Variants in NDST4 observed in about 807,000 individuals in gnomAD.
NDST4 encodes the protein N-heparan sulfate sulfotransferase 4.
Under a neutral mutation model 100.8 loss-of-function variants are expected in NDST4, and 63 were observed. That is an observed-to-expected ratio of 0.62 (90% CI 0.51 to 0.77). NDST4 has a LOEUF of 0.77. Ranked by LOEUF, NDST4 falls within the 30% of genes least tolerant of loss-of-function variation. NDST4 has a pLI of 0.00. For synonymous variants in NDST4, 377 were observed against 361.8 expected (o/e 1.04, Z -0.48); for missense variants, 943 against 1,018.4 (o/e 0.93, Z 1.01).
chr4:114,999,425 C>T (rs986918232), intron 2 of NDST4, among the ~76,000 whole-genome samples: 9 of 152,050 alleles, frequency 5.9e-5, no homozygotes, highest in Non-Finnish European at 1.2e-4. Context: ...AATTGAGATG[C>T]TACATAGTAA....
intron 6 of NDST4, among the ~76,000 whole-genome samples, chr4:114,888,845 G>C (rs1474038253): frequency 6.6e-6 from 1 of 152,038 alleles, no homozygotes; most frequent in East Asian, 1.9e-4. Flanking sequence ...CCTACAATAG[G>C]TAGTGGATTT....
At chr4:114,946,021 C>T (rs1039769591) in intron 4 of NDST4, among the ~76,000 whole-genome samples, 3 of 152,054 alleles carry the variant, frequency 2.0e-5, no homozygotes, top group Admixed American at 6.5e-5. Context: ...TTGAACTTTC[C>T]GATCCTAAGT....
chr4:114,869,103 T>C (rs1466642780), intron 7 of NDST4, among the ~76,000 whole-genome samples: 1 of 151,578 alleles, frequency 6.6e-6, no homozygotes. Flanking sequence ...CTTAGAATCA[T>C]CATGTTGCCC....
chr4:115,025,832 C>A (rs111828225), intron 2 of NDST4, among the ~76,000 whole-genome samples: 6 of 152,026 alleles, frequency 3.9e-5, no homozygotes, highest in Non-Finnish European at 7.4e-5. Context: ...CATATCTATG[C>A]GGTACGATTT....
chr4:115,068,249 A>G (rs1416663675), intron 2 of NDST4, among the ~76,000 whole-genome samples: 2 of 152,088 alleles, frequency 1.3e-5, no homozygotes, highest in African/African-American at 2.4e-5. Flanking sequence ...CATAAAATAC[A>G]TAGTAAAATA....
chr4:114,945,673 A>G (rs1374779267), intron 4 of NDST4, among the ~76,000 whole-genome samples: 6 of 152,212 alleles, frequency 3.9e-5, no homozygotes, highest in African/African-American at 1.4e-4. Context: ...CTTCTCCTAA[A>G]TGCACAACTT....
chr4:114,921,038 G>A (rs11937330), intron 6 of NDST4, among the ~76,000 whole-genome samples: 21,210 of 151,888 alleles, frequency 0.14, 1,981 homozygotes, highest in African/African-American at 0.27. Context: ...TTCCTTATTC[G>A]AGCTAAACTT....
intron 6 of NDST4, among the ~76,000 whole-genome samples, chr4:114,920,847 T>C (rs911339544): frequency 1.3e-5 from 2 of 152,180 alleles, no homozygotes; most frequent in African/African-American, 2.4e-5. Context: ...CCACTAGTGA[T>C]AGGTGATGAA....
In NDST4 at chr4:114,845,861, G is replaced by A; in HGVS notation, c.2077C>T (p.Leu693Phe). 6 of 1,614,066 alleles carry A rather than the reference G, an allele frequency of 3.7e-6. No homozygotes were observed. The highest frequency in any genetic ancestry group is 4.2e-6 in the Non-Finnish European group (5 of 1,180,000). Reference sequence around the variant, plus strand: ...TATGCCCTGTCTGAGGGGTCAATGAGGATGGTGATGATCTTGGCTTTGGGG... The same window carrying A: ...TATGCCCTGTCTGAGGGGTCAATGAAGATGGTGATGATCTTGGCTTTGGGG... ...LVPKAKIITI[L>F]IDPSDRAYSW... Residue 693 changes from leucine (L) to phenylalanine (F), a missense_variant, in exon 10 of 14, where the codon CTC becomes TTC. By Grantham distance (22) the Leu-to-Phe change is conservative (BLOSUM62 0). Coordinates refer to ENST00000264363, the MANE Select transcript of NDST4 (RefSeq NM_022569.3).
chr4:115,019,804 A>T (rs1295541949), intron 2 of NDST4, among the ~76,000 whole-genome samples: 1 of 152,108 alleles, frequency 6.6e-6, no homozygotes, highest in African/African-American at 2.4e-5. Context: ...AGTTGCAGAT[A>T]AAAGGATAAA....
intron 2 of NDST4, among the ~76,000 whole-genome samples, chr4:115,028,682 T>C (rs1728042809): frequency 6.6e-6 from 1 of 152,080 alleles, no homozygotes; most frequent in Non-Finnish European, 1.5e-5. Flanking sequence ...TCACTAGATG[T>C]ATGGCAATAT....
intron 6 of NDST4, among the ~76,000 whole-genome samples, chr4:114,929,105 C>CATCTATCT (rs1250707329): frequency 7.4e-5 from 9 of 121,908 alleles, no homozygotes; most frequent in African/African-American, 2.2e-4. Context: ...TCCATCCATC[C>CATCTATCT]ATCCATCCAT....
intron 2 of NDST4, among the ~76,000 whole-genome samples, chr4:115,039,945 T>A (rs561333516): frequency 6.6e-6 from 1 of 152,130 alleles, no homozygotes; most frequent in East Asian, 1.9e-4. Context: ...ACGCAACCAA[T>A]ACTAACATGT....
intron 2 of NDST4, among the ~76,000 whole-genome samples, chr4:115,068,865 C>T (rs1174138927): frequency 6.7e-6 from 1 of 150,144 alleles, no homozygotes. Context: ...AGTTATGTTA[C>T]TAATTGATTC....
intron 6 of NDST4, among the ~76,000 whole-genome samples, chr4:114,877,603 TTA>T (rs1455754835): frequency 6.6e-6 from 1 of 152,184 alleles, no homozygotes; most frequent in Non-Finnish European, 1.5e-5. Context: ...GAGACACATT[TTA>T]TTAATTTAGG....
chr4:115,074,046 ATAT>A (rs982232791), intron 2 of NDST4, among the ~76,000 whole-genome samples: 13 of 151,886 alleles, frequency 8.6e-5, no homozygotes, highest in African/African-American at 3.1e-4. Context: ...ACATAAATAA[ATAT>A]TATATATTAC....
chr4:114,847,416 A>AAAAAAAAAAAT lies in NDST4; in HGVS notation c.1940+798_1940+799insATTTTTTTTTT, dbSNP rs1391736224. On this transcript the variant is annotated intron_variant, in intron 9 of 13. Coordinates refer to ENST00000264363, the MANE Select transcript of NDST4 (RefSeq NM_022569.3). ...AAAAAAAAAAAAAAAAAAAAAAAAA[A>AAAAAAAAAAAT]GTGTCTTTCATTGCAAACAGGTTCA... Among the ~76,000 whole-genome samples, 35 of 103,642 alleles carry AAAAAAAAAAAT rather than the reference A, an allele frequency of 3.4e-4. 4 individuals are homozygous for AAAAAAAAAAAT. The highest frequency in any genetic ancestry group is 8.2e-4 in the East Asian group (3 of 3,662). The allele number at this position is 103,642 out of a possible 152,430, so 68.0% of individuals were successfully genotyped here. A position where few individuals can be genotyped will look rare whatever the true frequency, so the allele number is the denominator to read the frequency against.
intron 6 of NDST4, among the ~76,000 whole-genome samples, chr4:114,927,980 C>T (rs568501330): frequency 1.2e-3 from 177 of 152,220 alleles, no homozygotes; most frequent in African/African-American, 3.9e-3. Context: ...TTGAACACTT[C>T]GCACTAAAAA....
chr4:114,963,820 G>T (rs279541), intron 4 of NDST4, among the ~76,000 whole-genome samples: 151,978 of 152,342 alleles, frequency 1, 75,808 homozygotes, highest in Middle Eastern at 1. Context: ...CAAATATTTT[G>T]AAATTAATGC....
Sources: gnomAD v4.1 joint callset for allele counts (sites outside exome capture counted in the v4.1 genomes callset) on GRCh38, gnomAD v4.1.1 for gene constraint, MANE v1.5 for transcripts, NCBI Gene and HGNC (gene_info 2026-07-23, HGNC 2026-07-21) for gene names.